NPHP4: variants seen among roughly 807,000 people sequenced by gnomAD.
The protein encoded by NPHP4 is nephrocystin 4.
A neutral mutation model predicts 155.8 loss-of-function variants in NPHP4; 151 were observed. The ratio of observed to expected loss-of-function variants is 0.97; its 90% CI spans 0.85 to 1.11. NPHP4 has a LOEUF of 1.11. NPHP4 is among the 50% of genes least tolerant of loss of function. The probability of loss-of-function intolerance (pLI) is 0.00; values close to 1 mark genes in which losing one functional copy is unlikely to be tolerated. For synonymous variants in NPHP4, 845 were observed against 816.8 expected, an observed-to-expected ratio of 1.03 and a Z score of -0.59; for missense variants, 1,956 against 1,925.7, an observed-to-expected ratio of 1.02 and a Z score of -0.29.
rs1490034225 is a variant in NPHP4, at chr1:5,969,152, C to T, written c.387G>A (p.Gly129=). 1.9e-6 allele frequency: 3 copies of T among 1,555,002 alleles called. No individual in the cohort carries two copies. The highest frequency in any genetic ancestry group is 1.7e-6 in the Non-Finnish European group (2 of 1,148,666). Residue 129 remains glycine (G), a synonymous_variant, in exon 4 of 30, where the codon GGG becomes GGA. Coordinates refer to ENST00000378156, the MANE Select transcript of NPHP4 (RefSeq NM_015102.5). ...TGCTGAAGATCCGAAGAATTCCAAA[C>T]CCACAGGACAATGTCTGGAGGCTCC... The part of the protein sequence containing the change: ...RDGSLQTLSC[G]FGILRIFSNQ...
chr1:5,976,234 T>C (rs1653546137), intron 3 of NPHP4, among the ~76,000 whole-genome samples: 2 of 151,970 alleles, frequency 1.3e-5, no homozygotes. Context: ...TCCATCTCCA[T>C]GCACCTCAGT....
At chr1:5,935,867 T>A (rs1248771157) in intron 9 of NPHP4, among the ~76,000 whole-genome samples, 1 of 152,122 alleles carries the variant, frequency 6.6e-6, no homozygotes, top group African/African-American at 2.4e-5. Context: ...AGAGTGAGAC[T>A]CCATCTCAAC....
At chr1:5,917,465 A>T (rs1345201258) in intron 11 of NPHP4, among the ~76,000 whole-genome samples, 1 of 152,242 alleles carries the variant, frequency 6.6e-6, no homozygotes, top group East Asian at 1.9e-4. Context: ...TCTTAATGGC[A>T]TCCTTTGAGT....
At chr1:5,883,731 T>G (rs1162364557) in intron 18 of NPHP4, among the ~76,000 whole-genome samples, 2 of 152,330 alleles carry the variant, frequency 1.3e-5, no homozygotes, top group South Asian at 2.1e-4. Context: ...CTTCATCTGA[T>G]AGCGAATGGT....
chr1:5,869,905 A>G (rs2100541272), intron 23 of NPHP4, among the ~76,000 whole-genome samples: 1 of 152,344 alleles, frequency 6.6e-6, no homozygotes. Context: ...TGTTGGAAGA[A>G]CTGCTGCAAA....
intron 18 of NPHP4, among the ~76,000 whole-genome samples, chr1:5,885,447 G>A (rs1283244617): frequency 6.6e-6 from 1 of 152,242 alleles, no homozygotes; most frequent in East Asian, 1.9e-4. Context: ...GCAATCTGGT[G>A]CTTGCTGTCC....
At chr1:5,891,813 A>C (rs1644142105) in intron 16 of NPHP4, among the ~76,000 whole-genome samples, 1 of 152,218 alleles carries the variant, frequency 6.6e-6, no homozygotes, top group Non-Finnish European at 1.5e-5. Context: ...AGCCAGGCTG[A>C]AATTTGGCCA....
chr1:5,949,469 C>T (rs1231441060), intron 7 of NPHP4, among the ~76,000 whole-genome samples: 1 of 151,994 alleles, frequency 6.6e-6, no homozygotes, highest in Admixed American at 6.5e-5. Context: ...CGTTCATGCA[C>T]ATCACGTGTC....
intron 23 of NPHP4, among the ~76,000 whole-genome samples, chr1:5,871,163 C>T (rs180742206): frequency 3.3e-4 from 50 of 152,260 alleles, no homozygotes; most frequent in Admixed American, 2.4e-3. Flanking sequence ...GGTTAGTGAC[C>T]GGGAAGTCTG....
Position 5,911,542 on chromosome 1 carries a change from C to T in NPHP4, c.1442-2329G>A, listed in dbSNP as rs540097536. ...AACTTCTCGCATGCATTTTATTTCC[C>T]CATCGTCTCAAATTTGCATACAGTG... On this transcript the variant is annotated intron_variant, in intron 11 of 29. Coordinates refer to ENST00000378156, the MANE Select transcript of NPHP4 (RefSeq NM_015102.5). 1.4e-4 allele frequency among the ~76,000 whole-genome samples: 21 copies of T among 152,284 alleles called. No homozygotes were observed. In the South Asian group the frequency reaches 4.3e-3, roughly 32 times the overall value.
At chr1:5,920,105 T>C (rs553692378) in intron 11 of NPHP4, among the ~76,000 whole-genome samples, 1 of 152,264 alleles carries the variant, frequency 6.6e-6, no homozygotes, top group East Asian at 1.9e-4. Flanking sequence ...TGATTTTTTG[T>C]ATTTTTAGTA....
chr1:5,875,612 T>C (rs1048515219), intron 20 of NPHP4, among the ~76,000 whole-genome samples: 3 of 152,224 alleles, frequency 2.0e-5, no homozygotes, highest in African/African-American at 7.2e-5. Context: ...AGCCACCCCC[T>C]TGCTCTGATG....
intron 6 of NPHP4, among the ~76,000 whole-genome samples, chr1:5,958,249 A>C (rs975868393): frequency 6.6e-6 from 1 of 152,276 alleles, no homozygotes; most frequent in Admixed American, 6.5e-5. Flanking sequence ...AACAGCCGTC[A>C]GAAAGCAGCC....
At position 5,874,896 on chromosome 1, in the gene NPHP4, CCA is replaced by C. The variant is rs1430830321; in HGVS notation, c.3020_3021del (p.Val1007GlyfsTer95). On this transcript the variant is annotated frameshift_variant, in exon 21 of 30. Transcript: ENST00000378156. LOFTEE classifies it high-confidence loss of function. ...NPHNTQHTVT[V>X]EIDNPELSVI... ...CACCTGAGCTCGGGGTTGTCGATCTCCACAGTCACCGTGTGCTGTGTGTTGTG... is the reference window on the plus strand; with the variant it reads ...CACCTGAGCTCGGGGTTGTCGATCTCCAGTCACCGTGTGCTGTGTGTTGTG... 2 of 1,613,664 alleles carry C rather than the reference CCA, an allele frequency of 1.2e-6. No homozygotes were observed. Among genetic ancestry groups the C allele is most frequent in the Non-Finnish European group, 1.7e-6 (2 of 1,179,800 alleles).
Position 5,947,712 on chromosome 1 carries a change from T to C in NPHP4, c.992+358A>G, listed in dbSNP as rs532697332. 3.3e-5 allele frequency among the ~76,000 whole-genome samples: 5 copies of C among 152,166 alleles called. No homozygotes were observed. In the East Asian group the frequency reaches 9.7e-4, roughly 29 times the overall value. Reference sequence around the variant, plus strand: ...GACACCTGATTTGGGAAGCACTGGATTAAACAGAGCAGCAGGTCTTGCTGC... The same window carrying C: ...GACACCTGATTTGGGAAGCACTGGACTAAACAGAGCAGCAGGTCTTGCTGC... On this transcript the variant is annotated intron_variant, in intron 8 of 29. Coordinates refer to ENST00000378156, the MANE Select transcript of NPHP4 (RefSeq NM_015102.5).
intron 9 of NPHP4, among the ~76,000 whole-genome samples, chr1:5,940,212 G>T (rs976597201): frequency 6.6e-6 from 1 of 152,184 alleles, no homozygotes; most frequent in African/African-American, 2.4e-5. Context: ...GGAGTGAATG[G>T]ATGAATGCCA....
At chr1:5,952,945 AG>A (rs1488464432) in intron 6 of NPHP4, 109 bp from the exon 7 acceptor site, 1 of 1,022,206 alleles carries the variant, frequency 9.8e-7, no homozygotes, top group Admixed American at 2.5e-5. Context: ...GCAGCAACGA[AG>A]GGTGCTCGGG....
At chr1:5,978,188 A>G (rs1570734755) in intron 3 of NPHP4, 82 bp downstream of exon 3, 1 of 1,349,230 alleles carries the variant, frequency 7.4e-7, no homozygotes, top group African/African-American at 1.4e-5. Context: ...GCAAGGCCCC[A>G]GTCTCTGGGC....
intron 16 of NPHP4, among the ~76,000 whole-genome samples, chr1:5,891,335 G>A (rs544351782): frequency 6.6e-6 from 1 of 152,308 alleles, no homozygotes; most frequent in Admixed American, 6.5e-5. Context: ...GGCTGGCTAG[G>A]GAGTTTATTA....
Sources: allele counts gnomAD v4.1 joint callset (sites outside exome capture counted in the v4.1 genomes callset), GRCh38; gene constraint gnomAD v4.1.1; transcripts MANE v1.5; gene names NCBI Gene and HGNC (gene_info 2026-07-23, HGNC 2026-07-21).